Variants in SRGAP2B observed in about 807,000 individuals in gnomAD.
SRGAP2B encodes the protein SLIT-ROBO Rho GTPase-activating protein 2B.
SRGAP2B carries 9 observed loss-of-function variants against 22.2 expected under a neutral mutation model. The ratio of observed to expected loss-of-function variants is 0.41; its 90% CI spans 0.24 to 0.71. The LOEUF (loss-of-function observed/expected upper bound fraction) is 0.71. Ranked by LOEUF, SRGAP2B falls within the 30% of genes least tolerant of loss-of-function variation. The probability of loss-of-function intolerance (pLI) is 0.35; values close to 1 mark genes in which losing one functional copy is unlikely to be tolerated. For synonymous variants in SRGAP2B, 36 were observed against 87.4 expected, an observed-to-expected ratio of 0.41 and a Z score of 3.28; for missense variants, 114 against 235.8, an observed-to-expected ratio of 0.48 and a Z score of 3.38.
chr1:145,003,742 G>T (rs1372640912), intron 2 of SRGAP2B, among the ~76,000 whole-genome samples: 1 of 149,072 alleles, frequency 6.7e-6, no homozygotes, highest in Non-Finnish European at 1.5e-5. Context: ...ATGAAGAAAT[G>T]GAGTGAACAT....
At chr1:144,909,322 T>C (rs1482325580) in intron 5 of SRGAP2B, among the ~76,000 whole-genome samples, 1 of 143,902 alleles carries the variant, frequency 6.9e-6, no homozygotes, top group Non-Finnish European at 1.5e-5. Flanking sequence ...TGGTGGCTCA[T>C]GCCTGTAATC....
chr1:144,972,667 C>G (rs1570896314), intron 3 of SRGAP2B, among the ~76,000 whole-genome samples: 1 of 142,162 alleles, frequency 7.0e-6, no homozygotes, highest in Non-Finnish European at 1.5e-5. Flanking sequence ...TTATGCACAC[C>G]AAAAAATTTA....
chr1:144,931,731 C>G (rs1315464832), intron 4 of SRGAP2B, among the ~76,000 whole-genome samples: 13 of 147,774 alleles, frequency 8.8e-5, no homozygotes, highest in Non-Finnish European at 1.8e-4. Flanking sequence ...GGCCACAGTG[C>G]AGATGGAACT....
intron 2 of SRGAP2B, among the ~76,000 whole-genome samples, chr1:144,997,056 A>C (rs1297946271): frequency 6.6e-6 from 1 of 150,450 alleles, no homozygotes; most frequent in Non-Finnish European, 1.5e-5. Flanking sequence ...GCTGATAGTA[A>C]TAGACATTGG....
intron 5 of SRGAP2B, among the ~76,000 whole-genome samples, chr1:144,911,443 C>A (rs1274902549): frequency 6.7e-6 from 1 of 150,002 alleles, no homozygotes; most frequent in African/African-American, 2.5e-5. Flanking sequence ...GACCAATTAA[C>A]CCTTTTTAAC....
chr1:144,975,247 AC>A (rs1553614002), intron 3 of SRGAP2B, among the ~76,000 whole-genome samples: 1 of 147,248 alleles, frequency 6.8e-6, no homozygotes, highest in Non-Finnish European at 1.5e-5. Flanking sequence ...AAATAAATAA[AC>A]CAAATTATAT....
intron 8 of SRGAP2B, among the ~76,000 whole-genome samples, chr1:144,894,007 G>A (rs1201940838): frequency 2.8e-5 from 4 of 145,140 alleles, no homozygotes; most frequent in East Asian, 1.9e-4. Flanking sequence ...ATGAGAAAGC[G>A]TGAAGCCAGG....
intron 3 of SRGAP2B, among the ~76,000 whole-genome samples, chr1:144,967,520 A>C (rs1668177643): frequency 6.7e-6 from 1 of 148,582 alleles, no homozygotes; most frequent in South Asian, 2.1e-4. Context: ...ATAGCACTAA[A>C]TCCCCACAAG....
At chr1:144,945,495 G>A (rs1281849579) in intron 4 of SRGAP2B, among the ~76,000 whole-genome samples, 4 of 151,862 alleles carry the variant, frequency 2.6e-5, no homozygotes, top group Admixed American at 6.5e-5. Context: ...CAAGATGGAA[G>A]GACTGGGATT....
At chr1:144,922,568 A>T (rs1664332717) in intron 4 of SRGAP2B, among the ~76,000 whole-genome samples, 3 of 150,854 alleles carry the variant, frequency 2.0e-5, no homozygotes, top group African/African-American at 7.4e-5. Flanking sequence ...GAAAGATGAT[A>T]AAAAGTGCTT....
chr1:144,920,972 A>G (rs368602217), intron 4 of SRGAP2B, among the ~76,000 whole-genome samples: 6,943 of 147,230 alleles, frequency 0.047, 732 homozygotes, highest in African/African-American at 0.17. Context: ...TTTAGGGAGT[A>G]AGCAATAAAG....
chr1:144,913,133 G>C (rs1258865794), intron 5 of SRGAP2B, among the ~76,000 whole-genome samples: 7 of 145,266 alleles, frequency 4.8e-5, no homozygotes, highest in Admixed American at 1.4e-4. Context: ...AAGAGACATA[G>C]GACCCTGGGT....
intron 5 of SRGAP2B, among the ~76,000 whole-genome samples, chr1:144,909,104 T>C (rs1471981507): frequency 6.7e-6 from 1 of 148,586 alleles, no homozygotes; most frequent in Admixed American, 6.7e-5. Context: ...TAGGTATAAA[T>C]TGAGAAAAAC....
rs1418877152 is a variant in SRGAP2B, at chr1:144,929,495, T to G, written c.424-14741A>C. 8.6e-5 allele frequency among the ~76,000 whole-genome samples: 13 copies of G among 150,954 alleles called. 1 individual carries two copies. Among genetic ancestry groups the G allele is most frequent in the African/African-American group, 3.2e-4 (13 of 40,400 alleles). ...GTTAATTTTTTTATTATTTCCAGGTTTGTTTTTATAATTTAATCTCATAAA... is the reference window on the plus strand; with the variant it reads ...GTTAATTTTTTTATTATTTCCAGGTGTGTTTTTATAATTTAATCTCATAAA... On this transcript the variant is annotated intron_variant, in intron 4 of 9. Transcript: ENST00000612199.
At chr1:144,929,547 T>C (rs1268317089) in intron 4 of SRGAP2B, among the ~76,000 whole-genome samples, 2 of 150,898 alleles carry the variant, frequency 1.3e-5, no homozygotes, top group Admixed American at 6.6e-5. Flanking sequence ...AATTTAAAGT[T>C]TGCATCTGTT....
chr1:145,036,345 C>T lies in SRGAP2B; in HGVS notation c.68-41145G>A, dbSNP rs1418692476. Among the ~76,000 whole-genome samples, 3 of 146,370 alleles carry T rather than the reference C, an allele frequency of 2.0e-5. 1 individual carries two copies. Among genetic ancestry groups the T allele is most frequent in the African/African-American group, 8.0e-5 (3 of 37,642 alleles). The stretch of plus-strand genomic sequence containing the variant: ...TATGCTTCCCAACCCTAAAGGCAGC[C>T]CTCGATTTACTGCCAGAAGTACCAA... On this transcript the variant is annotated intron_variant, in intron 2 of 9. Coordinates refer to ENST00000612199, the Ensembl canonical transcript of SRGAP2B.
At chr1:144,966,656 GTAAATGGGC>G (rs1253506059) in intron 3 of SRGAP2B, among the ~76,000 whole-genome samples, 1 of 146,534 alleles carries the variant, frequency 6.8e-6, no homozygotes, top group African/African-American at 2.8e-5. Context: ...AACCTTAAAT[GTAAATGGGC>G]TAAATGCTCC....
intron 3 of SRGAP2B, among the ~76,000 whole-genome samples, chr1:144,984,685 A>G (rs1263360657): frequency 1.3e-5 from 2 of 148,412 alleles, no homozygotes; most frequent in Non-Finnish European, 3.0e-5. Flanking sequence ...ATCCCAACCT[A>G]ATTTAGATCC....
In SRGAP2B at chr1:145,064,336, G is replaced by A. The variant is rs1298393340; in HGVS notation, c.67+28499C>T. 6.6e-3 allele frequency among the ~76,000 whole-genome samples: 982 copies of A among 148,606 alleles called. 25 individuals are homozygous for A. The highest frequency in any genetic ancestry group is 0.024 in the African/African-American group (916 of 38,304). ...GAGGCCCCTGCAGGGGAAAGAAGAT[G>A]GCAGTAAGGTCAAGGAATCAACATC... On this transcript the variant is annotated intron_variant, in intron 2 of 9. Transcript: ENST00000612199.
Sources: allele counts gnomAD v4.1 joint callset (sites outside exome capture counted in the v4.1 genomes callset), GRCh38; gene constraint gnomAD v4.1.1; transcripts MANE v1.5; gene names NCBI Gene and HGNC (gene_info 2026-07-23, HGNC 2026-07-21).